The following PHACTR1 variants were observed in gnomAD, a reference collection of about 807,000 sequenced individuals.
PHACTR1 encodes phosphatase and actin regulator 1.
PHACTR1 carries 16 observed loss-of-function variants against 69.2 expected under a neutral mutation model. The observed-to-expected ratio is 0.23, with a 90% confidence interval of 0.16 to 0.35. The LOEUF is 0.35. Among genes scored for constraint, PHACTR1 ranks in the 10% least tolerant of loss-of-function variants. The pLI, the probability that PHACTR1 is intolerant of heterozygous loss-of-function variation, is 1.00. For synonymous variants in PHACTR1, 312 were observed against 284.5 expected (o/e 1.10, Z -0.97); for missense variants, 510 against 734.7 (o/e 0.69, Z 3.54).
chr6:12,745,433 C>T (rs1056848578), intron 3 of PHACTR1, among the ~76,000 whole-genome samples: 2 of 152,244 alleles, frequency 1.3e-5, no homozygotes, highest in African/African-American at 4.8e-5. Context: ...GGGGAGGGTG[C>T]ATAAAAACTA....
chr6:13,133,845 G>A (rs1228689611), intron 5 of PHACTR1, among the ~76,000 whole-genome samples: 11 of 151,582 alleles, frequency 7.3e-5, no homozygotes, highest in Non-Finnish European at 1.2e-4. Flanking sequence ...CATCTAGGAA[G>A]TGAGGAGCGC....
chr6:12,842,545 A>T (rs1221598855), intron 4 of PHACTR1, among the ~76,000 whole-genome samples: 2 of 152,166 alleles, frequency 1.3e-5, no homozygotes, highest in Admixed American at 1.3e-4. Context: ...TTTATTTTTT[A>T]TTTTTATTTT....
intron 4 of PHACTR1, among the ~76,000 whole-genome samples, chr6:12,917,863 C>T (rs2127506018): frequency 6.6e-6 from 1 of 152,234 alleles, no homozygotes; most frequent in African/African-American, 2.4e-5. Flanking sequence ...TACTCAGGAA[C>T]TCAGAACTCG....
intron 4 of PHACTR1, among the ~76,000 whole-genome samples, chr6:12,883,918 A>G (rs1783363193): frequency 6.6e-6 from 1 of 152,176 alleles, no homozygotes; most frequent in Non-Finnish European, 1.5e-5. Flanking sequence ...TCACATGCAC[A>G]CACACACACA....
At chr6:13,280,719 T>TA (rs1779969193) in intron 12 of PHACTR1, 22 of 328,924 alleles carry the variant, frequency 6.7e-5, no homozygotes, top group South Asian at 1.2e-4. Context: ...TTTGTCTTTT[T>TA]AAAAAAGACA....
At chr6:12,913,770 G>A in intron 4 of PHACTR1, among the ~76,000 whole-genome samples, 1 of 152,292 alleles carries the variant, frequency 6.6e-6, no homozygotes, top group Admixed American at 6.5e-5. Context: ...AGAAGAGGAA[G>A]CGATATCCCA....
intron 4 of PHACTR1, among the ~76,000 whole-genome samples, chr6:13,039,683 G>A (rs1419019775): frequency 6.6e-6 from 1 of 152,200 alleles, no homozygotes; most frequent in Non-Finnish European, 1.5e-5. Context: ...GTCCCTTGTG[G>A]TGACTGTTTT....
intron 4 of PHACTR1, among the ~76,000 whole-genome samples, chr6:12,763,872 G>A (rs527398784): frequency 1.3e-5 from 2 of 151,970 alleles, no homozygotes; most frequent in African/African-American, 4.8e-5. Flanking sequence ...TGGTGGCAAG[G>A]GGCAGAAGGA....
intron 10 of PHACTR1, among the ~76,000 whole-genome samples, chr6:13,252,327 CA>C (rs373475742): frequency 2.8e-3 from 228 of 82,596 alleles, no homozygotes; most frequent in Middle Eastern, 7.2e-3. Flanking sequence ...GATCCTGTCT[CA>C]AAAAAAAAAA....
chr6:13,197,689 C>T (rs1229310903), intron 7 of PHACTR1, among the ~76,000 whole-genome samples: 2 of 152,174 alleles, frequency 1.3e-5, no homozygotes, highest in East Asian at 1.9e-4. Flanking sequence ...AATGCTATCC[C>T]TCAAGGATCT....
chr6:12,895,177 CTTTTTTT>C (rs139510433), intron 4 of PHACTR1, among the ~76,000 whole-genome samples: 1 of 88,294 alleles, frequency 1.1e-5, no homozygotes, highest in Non-Finnish European at 2.3e-5. Flanking sequence ...TTTCTTTTTT[CTTTTTTT>C]TTTTTTTTTT....
intron 6 of PHACTR1, among the ~76,000 whole-genome samples, chr6:13,175,717 G>C (rs1352813005): frequency 6.6e-6 from 1 of 152,112 alleles, no homozygotes; most frequent in Non-Finnish European, 1.5e-5. Flanking sequence ...GGATTTGAGG[G>C]GCCCTCTATT....
At chr6:12,974,749 G>A (rs1794659777) in intron 4 of PHACTR1, among the ~76,000 whole-genome samples, 1 of 152,196 alleles carries the variant, frequency 6.6e-6, no homozygotes, top group African/African-American at 2.4e-5. Context: ...CTGACCCAGA[G>A]ATAAGATTTT....
chr6:13,194,431 AAG>A, intron 7 of PHACTR1, among the ~76,000 whole-genome samples: 1 of 151,740 alleles, frequency 6.6e-6, no homozygotes, highest in Non-Finnish European at 1.5e-5. Flanking sequence ...AGAAAGGAAA[AAG>A]AAAAGAGAGC....
intron 4 of PHACTR1, 108 bp from the exon 5 acceptor site, chr6:13,053,257 C>T (rs1001342309): frequency 6.0e-6 from 7 of 1,166,870 alleles, no homozygotes; most frequent in African/African-American, 3.1e-5. Context: ...ACTCTAGTCA[C>T]GTGGTTTCTG....
At chr6:12,790,816 T>A (rs1772174461) in intron 4 of PHACTR1, among the ~76,000 whole-genome samples, 1 of 152,210 alleles carries the variant, frequency 6.6e-6, no homozygotes, top group South Asian at 2.1e-4. Flanking sequence ...ATGTTGAAAT[T>A]CCAGGAAGAG....
In PHACTR1 at chr6:13,232,074, T is replaced by C. The variant is rs550406170; in HGVS notation, c.1391+1881T>C. 3.8e-4 allele frequency among the ~76,000 whole-genome samples: 58 copies of C among 152,340 alleles called. No individual in the cohort carries two copies. The South Asian group carries it at 0.012, about 31-fold the overall frequency. Reference sequence around the variant, plus strand: ...ATAGCCTTAAGTAAGTCACTTATTCTCCTTACCTGTGTTTCTGCATATGTA... The same window carrying C: ...ATAGCCTTAAGTAAGTCACTTATTCCCCTTACCTGTGTTTCTGCATATGTA... On this transcript the variant is annotated intron_variant, in intron 10 of 14. Transcript: ENST00000332995.
intron 4 of PHACTR1, among the ~76,000 whole-genome samples, chr6:12,750,695 T>G (rs1766514207): frequency 6.6e-6 from 1 of 152,178 alleles, no homozygotes; most frequent in Non-Finnish European, 1.5e-5. Context: ...CTGCTGCTGC[T>G]GCTCCTAACT....
intron 4 of PHACTR1, among the ~76,000 whole-genome samples, chr6:13,021,815 G>A (rs896819513): frequency 4.6e-5 from 7 of 152,194 alleles, no homozygotes; most frequent in Admixed American, 1.3e-4. Context: ...GAAAACTAGT[G>A]ATTTTAGACA....
Sources: allele counts gnomAD v4.1 joint callset (sites outside exome capture counted in the v4.1 genomes callset), GRCh38; gene constraint gnomAD v4.1.1; transcripts MANE v1.5; gene names NCBI Gene and HGNC (gene_info 2026-07-23, HGNC 2026-07-21).